Variants in PBK observed in about 807,000 individuals in gnomAD.
PBK encodes PDZ binding kinase, also known as lymphokine-activated killer T-cell-originated protein kinase.
Under a neutral mutation model 33.5 loss-of-function variants are expected in PBK, and 22 were observed. The ratio of observed to expected loss-of-function variants is 0.66; its 90% CI spans 0.47 to 0.94. The LOEUF is 0.94. Among genes scored for constraint, PBK ranks in the 40% least tolerant of loss-of-function variants. PBK has a pLI of 0.00. For synonymous variants in PBK, 129 were observed against 123.8 expected (o/e 1.04, Z -0.28); for missense variants, 376 against 383.4 (o/e 0.98, Z 0.16).
chr8:27,822,999 C>T, intron 4 of PBK, 64 bp downstream of exon 4: 4 of 995,068 alleles, frequency 4.0e-6, no homozygotes, highest in Non-Finnish European at 6.3e-6. Context: ...GTTAAGAGAG[C>T]ATATAAGCTG....
At chr8:27,834,456 G>A (rs1051166413) in intron 1 of PBK, among the ~76,000 whole-genome samples, 2 of 152,198 alleles carry the variant, frequency 1.3e-5, no homozygotes, top group Admixed American at 6.5e-5. Context: ...TCTTTCTGGG[G>A]TGAAGAAAAG....
intron 1 of PBK, among the ~76,000 whole-genome samples, chr8:27,834,973 T>G (rs1806201426): frequency 6.6e-6 from 1 of 152,004 alleles, no homozygotes; most frequent in Non-Finnish European, 1.5e-5. Flanking sequence ...GTTTACTTCT[T>G]CGTAACATAT....
intron 6 of PBK, 86 bp downstream of exon 6, chr8:27,820,479 G>T (rs1805898511): frequency 2.5e-6 from 2 of 805,466 alleles, no homozygotes; most frequent in Non-Finnish European, 4.0e-6. Context: ...AATAGTTTTT[G>T]ATTTTTGATC....
chr8:27,828,744 CAAAAAAAAAAAAAA>C (rs34388320), intron 2 of PBK, among the ~76,000 whole-genome samples: 5,531 of 82,920 alleles, frequency 0.067, 193 homozygotes, highest in Middle Eastern at 0.14. Context: ...GACACAGTCT[CAAAAAAAAAAAAAA>C]AAAAAAAAAA....
rs752345911 is a variant in PBK, at chr8:27,820,560, C to G, written c.595+5G>C. On this transcript the variant is annotated splice_donor_5th_base_variant and intron_variant, in intron 6 of 7. Coordinates refer to ENST00000301905, the MANE Select transcript of PBK (RefSeq NM_018492.4). ...AAAATTTTAAAACTTAAGAGTACAA[C>G]TTACCAGTCATATTTTCATCCAGTG... 1 of 1,545,082 alleles carries G rather than the reference C, an allele frequency of 6.5e-7. No individual in the cohort carries two copies. The highest frequency in any genetic ancestry group is 1.4e-5 in the African/African-American group (1 of 72,418).
At chr8:27,830,128 A>C (rs934785669) in intron 2 of PBK, among the ~76,000 whole-genome samples, 1 of 148,988 alleles carries the variant, frequency 6.7e-6, no homozygotes, top group East Asian at 2.1e-4. Flanking sequence ...GCTTGAACCC[A>C]GGAGGTGGAG....
At position 27,811,068 on chromosome 8, in the gene PBK, T is replaced by A; in HGVS notation, c.662A>T (p.Asn221Ile). The A allele has an allele frequency of 6.2e-7, 1 of 1,613,140 alleles. No homozygotes were observed. Among genetic ancestry groups the A allele is most frequent in the Non-Finnish European group, 8.5e-7 (1 of 1,179,076 alleles). The change falls in exon 7 of 8, where the codon AAT (asparagine) becomes ATT (isoleucine). Residue 221 changes from asparagine (N) to isoleucine (I), a missense_variant. Asn to Ile is a moderately radical substitution (Grantham distance 149). Coordinates refer to ENST00000301905, the MANE Select transcript of PBK (RefSeq NM_018492.4). ...GTCTGCCTTGTCAGTAATAACACCA[T>A]TCTCCTCCACAGCTTCTTTGGGTTT... ...PWKPKEAVEE[N>I]GVITDKADIF...
In PBK at chr8:27,817,514, C is replaced by T. The variant is rs149016998; in HGVS notation, c.595+3051G>A. 4.7e-3 allele frequency among the ~76,000 whole-genome samples: 715 copies of T among 151,254 alleles called. 7 individuals are homozygous for T. The highest frequency in any genetic ancestry group is 0.017 in the African/African-American group (688 of 41,304). Reference sequence around the variant, plus strand: ...TTAGGATTATTAACTGTTTTTGTTACTGCTTTAGTTTTCAAAGTTGCATAG... The same window carrying T: ...TTAGGATTATTAACTGTTTTTGTTATTGCTTTAGTTTTCAAAGTTGCATAG... On this transcript the variant is annotated intron_variant, in intron 6 of 7. Coordinates refer to ENST00000301905, the MANE Select transcript of PBK (RefSeq NM_018492.4).
chr8:27,836,528 C>T (rs1195255088), intron 1 of PBK, among the ~76,000 whole-genome samples: 1 of 151,720 alleles, frequency 6.6e-6, no homozygotes, highest in Non-Finnish European at 1.5e-5. Flanking sequence ...GTAAGATCAT[C>T]TAGGGAGTAA....
chr8:27,826,662 G>A (rs1229834959), intron 3 of PBK, among the ~76,000 whole-genome samples: 2 of 139,872 alleles, frequency 1.4e-5, no homozygotes, highest in Non-Finnish European at 3.0e-5. Context: ...CGGGCGTGGT[G>A]GCGGGCGCCT....
chr8:27,834,962 T>C (rs1392063024), intron 1 of PBK, among the ~76,000 whole-genome samples: 1 of 152,046 alleles, frequency 6.6e-6, no homozygotes, highest in Non-Finnish European at 1.5e-5. Context: ...CAACTCAATG[T>C]GTTTACTTCT....
chr8:27,821,896 C>T (rs1374316494), intron 5 of PBK, among the ~76,000 whole-genome samples: 1 of 152,100 alleles, frequency 6.6e-6, no homozygotes, highest in African/African-American at 2.4e-5. Context: ...TTGATTTTAC[C>T]TTTTCTATGT....
chr8:27,810,466 C>T lies in PBK; in HGVS notation c.808G>A (p.Ala270Thr). Residue 270 changes from alanine (A) to threonine (T), a missense_variant, in exon 8 of 8, where the codon GCA (alanine) becomes ACA (threonine). Ala to Thr is a moderately conservative substitution (Grantham distance 58, BLOSUM62 0). Transcript: ENST00000301905. ...CTAGTTCCCAACGCTGCATAGTATG[C>T]TTCATCATCAAAATCACTTTCATCA... is the stretch of plus-strand genomic sequence containing the variant. The part of the protein sequence containing the change: ...TFDESDFDDE[A>T]YYAALGTRPP... 1.2e-6 allele frequency: 2 copies of T among 1,604,950 alleles called. No homozygotes were observed. The highest frequency in any genetic ancestry group is 1.7e-6 in the Non-Finnish European group (2 of 1,174,552).
At chr8:27,834,328 A>G (rs1026318709) in intron 1 of PBK, among the ~76,000 whole-genome samples, 20 of 152,244 alleles carry the variant, frequency 1.3e-4, no homozygotes, top group Non-Finnish European at 2.4e-4. Context: ...TGCCCGTCCA[A>G]TGATCCCATT....
chr8:27,822,623 A>C, intron 4 of PBK, 135 bp from the exon 5 acceptor site: 3 of 562,190 alleles, frequency 5.3e-6, no homozygotes, highest in Non-Finnish European at 9.1e-6. Flanking sequence ...ACTATTTACA[A>C]GACTAATTCA....
chr8:27,822,499 A>G lies in PBK; in HGVS notation c.296-11T>C. On this transcript the variant is annotated splice_polypyrimidine_tract_variant and intron_variant, in intron 4 of 7. Coordinates refer to ENST00000301905, the MANE Select transcript of PBK (RefSeq NM_018492.4). ...TAAAAGCACGATAACCTTAAAGAAA[A>G]CATGACATTTCTTCACTAATATAGA... 6.4e-7 allele frequency: 1 copy of G among 1,570,550 alleles called. No homozygotes were observed. The highest frequency in any genetic ancestry group is 8.7e-7 in the Non-Finnish European group (1 of 1,154,944).
intron 7 of PBK, 47 bp from the exon 8 acceptor site, chr8:27,810,548 C>A (rs1172499248): frequency 1.6e-6 from 2 of 1,215,350 alleles, no homozygotes; most frequent in South Asian, 2.6e-5. Context: ...CACTTTATGT[C>A]ATGGAAAAGT....
chr8:27,837,659 T>C lies in PBK; in HGVS notation c.-28A>G, dbSNP rs1267018796. Reference sequence around the variant, plus strand: ...AAAAAAAGCTCCTCTTACCAGAGTCTCACCGCCTGGAAGGAAAGGTCGGAG... The same window carrying C: ...AAAAAAAGCTCCTCTTACCAGAGTCCCACCGCCTGGAAGGAAAGGTCGGAG... On this transcript the variant is annotated 5_prime_UTR_variant, in exon 1 of 8. Coordinates refer to ENST00000301905, the MANE Select transcript of PBK (RefSeq NM_018492.4). The C allele has an allele frequency of 6.6e-6, 1 of 152,058 alleles. No homozygotes were observed. The allele number at this position is 152,058 out of a possible 1,614,324, so 9.4% of individuals were successfully genotyped here.
chr8:27,837,013 A>T (rs1585439485), intron 1 of PBK, among the ~76,000 whole-genome samples: 1 of 152,234 alleles, frequency 6.6e-6, no homozygotes, highest in South Asian at 2.1e-4. Context: ...CTTAACATTA[A>T]TTGTTAAATA....
Sources: gnomAD v4.1 joint callset for allele counts (sites outside exome capture counted in the v4.1 genomes callset) on GRCh38, gnomAD v4.1.1 for gene constraint, MANE v1.5 for transcripts, NCBI Gene and HGNC (gene_info 2026-07-23, HGNC 2026-07-21) for gene names.